The following MEGF11 variants were observed in gnomAD, a reference collection of about 807,000 sequenced individuals.
MEGF11 encodes multiple epidermal growth factor-like domains protein 11.
A neutral mutation model predicts 146.6 loss-of-function variants in MEGF11; 126 were observed. The ratio of observed to expected loss-of-function variants is 0.86; its 90% CI spans 0.74 to 1.00. MEGF11 has a LOEUF of 1.00. Ranked by LOEUF, MEGF11 falls within the 50% of genes least tolerant of loss-of-function variation. The probability of loss-of-function intolerance (pLI) is 0.00; values close to 1 mark genes in which losing one functional copy is unlikely to be tolerated. For synonymous variants in MEGF11, 532 were observed against 583.4 expected (o/e 0.91, Z 1.27); for missense variants, 1,509 against 1,521.2 (o/e 0.99, Z 0.13).
chr15:66,031,066 C>G (rs1200494692), intron 5 of MEGF11, among the ~76,000 whole-genome samples: 1 of 152,208 alleles, frequency 6.6e-6, no homozygotes, highest in Non-Finnish European at 1.5e-5. Context: ...CTTGTCCAAG[C>G]AGAGGGAAGT....
chr15:66,079,020 C>T (rs2085717470), intron 5 of MEGF11, among the ~76,000 whole-genome samples: 1 of 152,222 alleles, frequency 6.6e-6, no homozygotes, highest in Non-Finnish European at 1.5e-5. Context: ...CCACACGTGC[C>T]AGGGCCCTGC....
intron 1 of MEGF11, among the ~76,000 whole-genome samples, chr15:66,131,658 C>G (rs952166131): frequency 3.9e-5 from 6 of 152,170 alleles, no homozygotes; most frequent in Non-Finnish European, 8.8e-5. Context: ...ACACTAGTCC[C>G]ATGAGACATT....
chr15:66,187,060 C>T (rs1443562364), intron 1 of MEGF11, among the ~76,000 whole-genome samples: 3 of 152,208 alleles, frequency 2.0e-5, no homozygotes, highest in African/African-American at 7.2e-5. Flanking sequence ...TCTCAAAATG[C>T]AAGGAAGGAT....
intron 1 of MEGF11, among the ~76,000 whole-genome samples, chr15:66,187,992 C>G (rs1252882333): frequency 6.6e-6 from 1 of 152,222 alleles, no homozygotes; most frequent in Non-Finnish European, 1.5e-5. Context: ...CGCATGCACA[C>G]ACTTCCAACC....
intron 1 of MEGF11, among the ~76,000 whole-genome samples, chr15:66,188,240 T>C (rs886526730): frequency 2.6e-5 from 4 of 152,102 alleles, no homozygotes; most frequent in African/African-American, 9.7e-5. Flanking sequence ...GATCTATATA[T>C]ATATGAGAGA....
In MEGF11 at chr15:66,002,996, C is replaced by CTT. The variant is rs1298031565; in HGVS notation, c.395-20510_395-20509dup. Among the ~76,000 whole-genome samples, 1,090 of 118,924 alleles carry CTT rather than the reference C, an allele frequency of 9.2e-3. 4 individuals are homozygous for CTT. Among genetic ancestry groups the CTT allele is most frequent in the Admixed American group, 0.012 (142 of 11,674 alleles). The allele number at this position is 118,924 out of a possible 152,430, so 78.0% of individuals were successfully genotyped here. On this transcript the variant is annotated intron_variant, in intron 5 of 25. Coordinates refer to ENST00000395614, the MANE Select transcript of MEGF11 (RefSeq NM_001385028.1). ...TGTTTCTTTCTTTTCTTTCTTTTTT[C>CTT]TTTTTTTTTTTTGAGATAGAGTCTA...
At chr15:65,964,351 C>G (rs1397098358) in intron 9 of MEGF11, among the ~76,000 whole-genome samples, 1 of 152,212 alleles carries the variant, frequency 6.6e-6, no homozygotes, top group Non-Finnish European at 1.5e-5. Context: ...CCCTGTTGTT[C>G]CTGCTCCTCT....
chr15:66,204,969 C>G (rs1234412860), intron 1 of MEGF11, among the ~76,000 whole-genome samples: 2 of 143,484 alleles, frequency 1.4e-5, no homozygotes, highest in South Asian at 4.7e-4. Flanking sequence ...TGGTGTGTTC[C>G]TTGGGTTGAA....
chr15:66,207,775 A>T (rs982415975), intron 1 of MEGF11, among the ~76,000 whole-genome samples: 5 of 152,210 alleles, frequency 3.3e-5, no homozygotes, highest in African/African-American at 1.2e-4. Flanking sequence ...TTCGTATGAC[A>T]ATTACTGGCA....
intron 15 of MEGF11, 97 bp downstream of exon 15, chr15:65,922,241 A>G (rs2079193817): frequency 1.4e-6 from 2 of 1,450,740 alleles, no homozygotes; most frequent in Non-Finnish European, 1.9e-6. Flanking sequence ...CTACCTCCAT[A>G]GCGTATGATG....
At chr15:66,214,790 G>T (rs767893086) in intron 1 of MEGF11, among the ~76,000 whole-genome samples, 1 of 152,098 alleles carries the variant, frequency 6.6e-6, no homozygotes, top group African/African-American at 2.4e-5. Flanking sequence ...CCACGCACAG[G>T]GTACAGGCTG....
intron 5 of MEGF11, among the ~76,000 whole-genome samples, chr15:66,075,633 A>G (rs562449061): frequency 3.5e-4 from 53 of 152,320 alleles, no homozygotes; most frequent in African/African-American, 1.2e-3. Flanking sequence ...CCCAGATCAC[A>G]TTGAAGACAG....
rs147032953 is a variant in MEGF11 at position 66,195,549 on chromosome 15, C to T, written c.-9+58056G>A. 9.2e-5 allele frequency among the ~76,000 whole-genome samples: 14 copies of T among 152,246 alleles called. No individual in the cohort carries two copies. The East Asian group carries it at 1.5e-3, about 17-fold the overall frequency. The stretch of plus-strand genomic sequence containing the variant: ...GAGAGAGGTTCAGGAGGAGAGGAAC[C>T]GAGAAGAAGGGAGAGCAAATACAGC... On this transcript the variant is annotated intron_variant, in intron 1 of 25. Transcript: ENST00000395614.
At position 66,019,259 on chromosome 15, in the gene MEGF11, A is replaced by T. The variant is rs533812394; in HGVS notation, c.395-36771T>A. On this transcript the variant is annotated intron_variant, in intron 5 of 25. Coordinates refer to ENST00000395614, the MANE Select transcript of MEGF11 (RefSeq NM_001385028.1). ...GCAGACAGCACTCCCCTTGCCAAGC[A>T]CCAATCCTGACATGGCATCCTTCTG... 2.0e-5 allele frequency among the ~76,000 whole-genome samples: 3 copies of T among 152,258 alleles called. No individual in the cohort carries two copies. The East Asian group carries it at 5.8e-4, about 29-fold the overall frequency.
At chr15:66,096,112 A>G (rs2086542028) in intron 4 of MEGF11, among the ~76,000 whole-genome samples, 1 of 152,134 alleles carries the variant, frequency 6.6e-6, no homozygotes, top group Non-Finnish European at 1.5e-5. Context: ...CAGCCCAGCC[A>G]GCTCCCAGCC....
At chr15:65,933,973 G>A (rs2079671521) in intron 10 of MEGF11, among the ~76,000 whole-genome samples, 1 of 152,206 alleles carries the variant, frequency 6.6e-6, no homozygotes, top group South Asian at 2.1e-4. Context: ...CAAAGATATA[G>A]CATCTCTTAG....
At chr15:66,065,513 G>A (rs973981636) in intron 5 of MEGF11, among the ~76,000 whole-genome samples, 1 of 152,154 alleles carries the variant, frequency 6.6e-6, no homozygotes, top group African/African-American at 2.4e-5. Context: ...TCACTTCCAA[G>A]TAGCGTTTCC....
intron 5 of MEGF11, among the ~76,000 whole-genome samples, chr15:66,075,414 G>C (rs1175046967): frequency 1.3e-5 from 2 of 152,172 alleles, no homozygotes; most frequent in Non-Finnish European, 2.9e-5. Flanking sequence ...AAAGAGCACT[G>C]GCTTTATGGA....
At chr15:65,972,921 C>T (rs898610423) in intron 7 of MEGF11, among the ~76,000 whole-genome samples, 1 of 152,098 alleles carries the variant, frequency 6.6e-6, no homozygotes, top group African/African-American at 2.4e-5. Flanking sequence ...GGTTCCAGAC[C>T]AGCCTGACCA....
Sources: allele counts gnomAD v4.1 joint callset (sites outside exome capture counted in the v4.1 genomes callset), GRCh38; gene constraint gnomAD v4.1.1; transcripts MANE v1.5; gene names NCBI Gene and HGNC (gene_info 2026-07-23, HGNC 2026-07-21).